The following NTN1 variants were observed in gnomAD, a reference collection of about 807,000 sequenced individuals.
The protein encoded by NTN1 is netrin 1.
A neutral mutation model predicts 54.2 loss-of-function variants in NTN1; 11 were observed. The ratio of observed to expected loss-of-function variants is 0.20; its 90% confidence interval spans 0.13 to 0.34. NTN1 has a LOEUF of 0.34. Among genes scored for constraint, NTN1 ranks in the 10% least tolerant of loss-of-function variants. The probability of loss-of-function intolerance (pLI) is 1.00; values close to 1 mark genes in which losing one functional copy is unlikely to be tolerated. For synonymous variants in NTN1, 371 were observed against 382.0 expected, an observed-to-expected ratio of 0.97 and a Z score of 0.33; for missense variants, 740 against 893.1, an observed-to-expected ratio of 0.83 and a Z score of 2.18.
chr17:9,227,278 C>T (rs1402990735), intron 6 of NTN1, among the ~76,000 whole-genome samples: 1 of 150,692 alleles, frequency 6.6e-6, no homozygotes, highest in Non-Finnish European at 1.5e-5. Flanking sequence ...ACATATACCA[C>T]ATGCACGCAT....
upstream of NTN1, among the ~76,000 whole-genome samples, chr17:9,019,605 A>G (rs987973638): frequency 5.3e-5 from 8 of 152,238 alleles, no homozygotes; most frequent in Non-Finnish European, 7.3e-5. Context: ...AACTCACGTG[A>G]TGCTCACAAC....
chr17:9,211,667 T>C lies in NTN1; in HGVS notation c.1412-9501T>C, dbSNP rs1391213112. On this transcript the variant is annotated intron_variant, in intron 5 of 6. Transcript: ENST00000173229. The surrounding 1 kb of genome is among the most constrained non-coding windows in gnomAD (Gnocchi z 4.4). ...CCAGCCACGCTCGGGAAAGTTCATA[T>C]TTTAATCTGTGCCCCAGCCATATCG... is the stretch of plus-strand genomic sequence containing the variant. Among the ~76,000 whole-genome samples the C allele has an allele frequency of 1.3e-5, 2 of 152,258 alleles. No individual in the cohort carries two copies. The highest frequency in any genetic ancestry group is 2.9e-5 in the Non-Finnish European group (2 of 68,050).
chr17:9,230,688 C>T (rs1023181526), intron 6 of NTN1, among the ~76,000 whole-genome samples: 22 of 152,070 alleles, frequency 1.4e-4, no homozygotes, highest in African/African-American at 5.3e-4. Flanking sequence ...TGGGGGGATG[C>T]GGCCCTTCCC....
rs180831641 is a variant in NTN1, at chr17:9,216,102, C to T, written c.1412-5066C>T. Among the ~76,000 whole-genome samples, 158 of 152,252 alleles carry T rather than the reference C, an allele frequency of 1.0e-3. 1 individual carries two copies. The highest frequency in any genetic ancestry group is 3.3e-3 in the African/African-American group (139 of 41,526). ...CATCCTCCCAAGTAACCATCACGCC[C>T]GGCTATGGTCTTTTTGTTTGTTTTA... On this transcript the variant is annotated intron_variant, in intron 5 of 6. Transcript: ENST00000173229.
rs1043709632 is a variant in NTN1, at chr17:9,022,230, C to G, written c.-63-81C>G. ...GGGTGCCCAGGAAGCCGGGCGTTCT[C>G]CCGCATCTCCGCTCGCCACCCCGCC... On this transcript the variant is annotated intron_variant, in intron 1 of 6. Coordinates refer to ENST00000173229, the MANE Select transcript of NTN1 (RefSeq NM_004822.3). The G allele has an allele frequency of 3.2e-6, 3 of 941,780 alleles. No homozygotes were observed. The East Asian group carries it at 1.0e-4, about 32-fold the overall frequency. 58.3% of individuals were successfully genotyped at this position (941,780 alleles called of 1,614,324 possible). A position where few individuals can be genotyped will look rare whatever the true frequency, so the allele number is the denominator to read the frequency against.
intron 3 of NTN1, chr17:9,174,194 C>T (rs1246563582): frequency 2.0e-5 from 3 of 152,450 alleles, no homozygotes; most frequent in African/African-American, 7.2e-5. Context: ...GAGAGCTGCT[C>T]TGCTGGCCTG....
At chr17:9,111,935 C>T (rs1205060696) in intron 2 of NTN1, among the ~76,000 whole-genome samples, 2 of 152,100 alleles carry the variant, frequency 1.3e-5, no homozygotes, top group Non-Finnish European at 2.9e-5. Flanking sequence ...CAATTCAAAC[C>T]CATGTTGTTC....
chr17:9,075,725 G>A (rs533102161), intron 2 of NTN1, among the ~76,000 whole-genome samples: 31 of 152,292 alleles, frequency 2.0e-4, no homozygotes, highest in African/African-American at 3.8e-4. Context: ...GACTAGGGAT[G>A]TGTGTGTGGC....
rs1414280704 is a variant in NTN1 at position 9,162,902 on chromosome 17, A to G, written c.1108A>G (p.Asn370Asp). The G allele has an allele frequency of 2.5e-6, 4 of 1,613,728 alleles. No homozygotes were observed. Among genetic ancestry groups the G allele is most frequent in the Non-Finnish European group, 3.4e-6 (4 of 1,179,926 alleles). Residue 370 changes from asparagine (N) to aspartate (D), a missense_variant, in exon 3 of 7, where the codon AAC becomes GAC. Physicochemically the swap from Asn to Asp is conservative, Grantham distance 23. Coordinates refer to ENST00000173229, the MANE Select transcript of NTN1 (RefSeq NM_004822.3). ...GCGCAAGAGCGGAGGTGTCTGCCTCAACTGTCGCCACAACACCGCCGGCCG... is the reference window on the plus strand; with the variant it reads ...GCGCAAGAGCGGAGGTGTCTGCCTCGACTGTCGCCACAACACCGCCGGCCG... ...SGRKSGGVCL[N>D]CRHNTAGRHC... is the part of the protein sequence containing the mutation.
At chr17:9,068,572 G>A (rs1280941084) in intron 2 of NTN1, among the ~76,000 whole-genome samples, 1 of 151,010 alleles carries the variant, frequency 6.6e-6, no homozygotes, top group African/African-American at 2.4e-5. Flanking sequence ...GCAATGGTGC[G>A]ATCTCGGCTC....
At chr17:9,229,994 G>A (rs1905750223) in intron 6 of NTN1, among the ~76,000 whole-genome samples, 1 of 152,004 alleles carries the variant, frequency 6.6e-6, no homozygotes, top group African/African-American at 2.4e-5. Context: ...GGGAGGGGAG[G>A]GTCTCACCAC....
intron 5 of NTN1, among the ~76,000 whole-genome samples, chr17:9,214,604 C>T (rs920144693): frequency 6.6e-6 from 1 of 152,174 alleles, no homozygotes; most frequent in Non-Finnish European, 1.5e-5. Context: ...AGGCGGATCA[C>T]GAGGTTAGGA....
At chr17:9,206,052 G>A (rs1458771838) in intron 5 of NTN1, among the ~76,000 whole-genome samples, 1 of 152,222 alleles carries the variant, frequency 6.6e-6, no homozygotes, top group East Asian at 1.9e-4. Context: ...GTGACCCCTA[G>A]GTCTGGGACT....
At chr17:9,009,676 T>A in the NTN1 span, among the ~76,000 whole-genome samples, 1 of 152,244 alleles carries the variant, frequency 6.6e-6, no homozygotes. Flanking sequence ...TAAGCTGTTC[T>A]ACATAATTGG....
chr17:9,230,148 T>G (rs766808159), intron 6 of NTN1, among the ~76,000 whole-genome samples: 1 of 152,096 alleles, frequency 6.6e-6, no homozygotes, highest in Non-Finnish European at 1.5e-5. Flanking sequence ...CCTTCAAGTG[T>G]GGAAAGCTGG....
At chr17:9,126,104 A>G (rs144625231) in intron 2 of NTN1, among the ~76,000 whole-genome samples, 150 of 152,372 alleles carry the variant, frequency 9.8e-4, no homozygotes, top group Middle Eastern at 3.4e-3. Flanking sequence ...GACAAGAGAA[A>G]TCCTTAAGAA....
chr17:9,204,950 A>G (rs1404603320), intron 5 of NTN1, among the ~76,000 whole-genome samples: 1 of 148,172 alleles, frequency 6.7e-6, no homozygotes, highest in Non-Finnish European at 1.5e-5. Context: ...TTCTGAAGAT[A>G]TGTTGCTCAT....
At chr17:9,172,464 G>T (rs988588319) in intron 3 of NTN1, among the ~76,000 whole-genome samples, 1 of 150,602 alleles carries the variant, frequency 6.6e-6, no homozygotes, top group Non-Finnish European at 1.5e-5. Flanking sequence ...GGGCGACAGA[G>T]CGAGACTCCG....
intron 2 of NTN1, among the ~76,000 whole-genome samples, chr17:9,029,293 C>T (rs1482810453): frequency 2.0e-5 from 3 of 152,196 alleles, no homozygotes; most frequent in South Asian, 4.1e-4. Context: ...CCACAAGGAA[C>T]GGAAGCTTTT....
Sources: gnomAD v4.1 joint callset for allele counts (sites outside exome capture counted in the v4.1 genomes callset) on GRCh38, gnomAD v4.1.1 for gene constraint, Gnocchi (gnomAD v3.1) non-coding constraint, MANE v1.5 for transcripts, NCBI Gene and HGNC (gene_info 2026-07-23, HGNC 2026-07-21) for gene names.